The following KATNAL1 variants were observed in gnomAD, a reference collection of about 807,000 sequenced individuals.
The protein encoded by KATNAL1 is katanin catalytic subunit A1 like 1, also known as katanin p60 ATPase-containing subunit A-like 1.
A neutral mutation model predicts 55.2 loss-of-function variants in KATNAL1; 32 were observed. That is an observed-to-expected ratio of 0.58 (90% CI 0.44 to 0.78). KATNAL1 has a LOEUF of 0.78. KATNAL1 is among the 30% of genes least tolerant of loss of function. The pLI is 0.00. For missense variants in KATNAL1, 466 were observed against 600.9 expected (o/e 0.78, Z 2.35); for synonymous variants, 193 against 193.6 (o/e 1.00, Z 0.02).
At chr13:30,208,867 T>C in intron 10 of KATNAL1, 129 bp from the exon 11 acceptor site, 2 of 670,600 alleles carry the variant, frequency 3.0e-6, no homozygotes, top group Non-Finnish European at 4.7e-6. Context: ...CTTAGAATTT[T>C]CCACTTAAGA....
chr13:30,243,802 G>A (rs2137431836), intron 4 of KATNAL1, among the ~76,000 whole-genome samples: 1 of 152,248 alleles, frequency 6.6e-6, no homozygotes, highest in African/African-American at 2.4e-5. Flanking sequence ...TCACACGGAT[G>A]TCTAAGCTTA....
At chr13:30,216,751 G>A (rs975238579) in intron 9 of KATNAL1, among the ~76,000 whole-genome samples, 6 of 152,336 alleles carry the variant, frequency 3.9e-5, no homozygotes, top group Admixed American at 1.3e-4. Context: ...GCTGATGTGC[G>A]CCTGATGTCC....
chr13:30,254,589 T>A (rs759119842), intron 4 of KATNAL1, among the ~76,000 whole-genome samples: 2 of 152,216 alleles, frequency 1.3e-5, no homozygotes, highest in Admixed American at 1.3e-4. Context: ...GTAATAAAAA[T>A]ATTCAAATAC....
chr13:30,220,021 A>T (rs1353478501), intron 9 of KATNAL1, among the ~76,000 whole-genome samples: 1 of 152,228 alleles, frequency 6.6e-6, no homozygotes, highest in African/African-American at 2.4e-5. Context: ...TTCAAAAAAC[A>T]AAAGTTTGAA....
chr13:30,269,130 G>C (rs965046840), intron 3 of KATNAL1, among the ~76,000 whole-genome samples: 1 of 151,856 alleles, frequency 6.6e-6, no homozygotes, highest in South Asian at 2.1e-4. Context: ...CTCTGATGCC[G>C]AGCCGAAGCT....
At chr13:30,296,781 G>T (rs1313503641) in intron 1 of KATNAL1, 2 of 452,974 alleles carry the variant, frequency 4.4e-6, no homozygotes, top group African/African-American at 2.0e-5. Context: ...AGGTGCCTGT[G>T]CTGGGTGCTC....
chr13:30,255,050 C>CAG (rs1220264985), intron 4 of KATNAL1, among the ~76,000 whole-genome samples: 5 of 152,138 alleles, frequency 3.3e-5, no homozygotes, highest in African/African-American at 1.2e-4. Flanking sequence ...TTATTTTTGG[C>CAG]AGTAGTAAAT....
At chr13:30,212,347 G>C (rs1873769422) in intron 9 of KATNAL1, among the ~76,000 whole-genome samples, 1 of 152,228 alleles carries the variant, frequency 6.6e-6, no homozygotes, top group Admixed American at 6.5e-5. Context: ...CTAAAAATCA[G>C]CAAGAAAAAG....
At chr13:30,296,521 G>A in intron 1 of KATNAL1, 1 of 734,692 alleles carries the variant, frequency 1.4e-6, no homozygotes, top group Non-Finnish European at 2.5e-6. Context: ...GCCTACTGGG[G>A]CCTCTTTATC....
At chr13:30,255,365 C>G in intron 4 of KATNAL1, 82 bp downstream of exon 4, 1 of 1,182,020 alleles carries the variant, frequency 8.5e-7, no homozygotes, top group Non-Finnish European at 1.1e-6. Context: ...ACCAGGGTAT[C>G]TTGAAAAGCC....
chr13:30,231,299 T>C lies in KATNAL1; in HGVS notation c.885+15A>G. The C allele has an allele frequency of 6.3e-7, 1 of 1,596,772 alleles. No homozygotes were observed. The highest frequency in any genetic ancestry group is 1.3e-5 in the African/African-American group (1 of 74,698). On this transcript the variant is annotated intron_variant, in intron 7 of 10. Coordinates refer to ENST00000380615, the MANE Select transcript of KATNAL1 (RefSeq NM_032116.5). Reference sequence around the variant, plus strand: ...TACACACACTACTTTGAAATCTGAATATATCGTCACTCACCATCTCAAACA... The same window carrying C: ...TACACACACTACTTTGAAATCTGAACATATCGTCACTCACCATCTCAAACA...
At chr13:30,293,051 A>G (rs755715340) in intron 1 of KATNAL1, among the ~76,000 whole-genome samples, 3 of 152,092 alleles carry the variant, frequency 2.0e-5, no homozygotes, top group Non-Finnish European at 4.4e-5. Flanking sequence ...GGGTTCTTTC[A>G]ATGTAGAAAT....
At position 30,237,554 on chromosome 13, in the gene KATNAL1, T is replaced by TA. The variant is rs1876816151; in HGVS notation, c.726+2905dup. Among the ~76,000 whole-genome samples the TA allele has an allele frequency of 2.6e-5, 4 of 152,268 alleles. No individual in the cohort carries two copies. The South Asian group carries it at 8.3e-4, about 32-fold the overall frequency. Reference sequence around the variant, plus strand: ...TTATAAAAATCATATAATCTGATCTTAAAACTTGTAAAGAAGGACCTCAAT... The same window carrying TA: ...TTATAAAAATCATATAATCTGATCTTAAAAACTTGTAAAGAAGGACCTCAAT... On this transcript the variant is annotated intron_variant, in intron 6 of 10. Transcript: ENST00000380615.
intron 1 of KATNAL1, among the ~76,000 whole-genome samples, chr13:30,291,929 G>A (rs1490692327): frequency 2.6e-5 from 4 of 152,102 alleles, no homozygotes; most frequent in Non-Finnish European, 4.4e-5. Flanking sequence ...CAGCTACTCG[G>A]GAGGCTGAGG....
intron 3 of KATNAL1, among the ~76,000 whole-genome samples, chr13:30,263,537 T>C (rs1335518410): frequency 6.6e-6 from 1 of 152,008 alleles, no homozygotes; most frequent in Non-Finnish European, 1.5e-5. Flanking sequence ...GTATACAAAA[T>C]CAATGTACAA....
intron 9 of KATNAL1, among the ~76,000 whole-genome samples, chr13:30,225,023 C>A (rs1245576201): frequency 1.3e-5 from 2 of 152,182 alleles, no homozygotes; most frequent in African/African-American, 4.8e-5. Context: ...TAGTGTGGGG[C>A]AGCACTTCCA....
At chr13:30,228,210 T>C (rs1593851303) in intron 8 of KATNAL1, among the ~76,000 whole-genome samples, 1 of 152,130 alleles carries the variant, frequency 6.6e-6, no homozygotes, top group Non-Finnish European at 1.5e-5. Context: ...ACAGAAACTT[T>C]AGAAAATATG....
At chr13:30,269,528 G>T (rs1274168317) in intron 3 of KATNAL1, among the ~76,000 whole-genome samples, 1 of 151,846 alleles carries the variant, frequency 6.6e-6, no homozygotes, top group African/African-American at 2.4e-5. Context: ...CTGCCTGGCT[G>T]CCCATCGTCT....
chr13:30,227,592 T>C, intron 8 of KATNAL1, 46 bp from the exon 9 acceptor site: 1 of 1,575,936 alleles, frequency 6.3e-7, no homozygotes, highest in Non-Finnish European at 8.7e-7. Context: ...CTTACAACTC[T>C]TTATTCTTTC....
Sources: gnomAD v4.1 joint callset for allele counts (sites outside exome capture counted in the v4.1 genomes callset) on GRCh38, gnomAD v4.1.1 for gene constraint, MANE v1.5 for transcripts, NCBI Gene and HGNC (gene_info 2026-07-23, HGNC 2026-07-21) for gene names.